Variants in NDUFAF1 observed in about 807,000 individuals in gnomAD.
NDUFAF1 encodes complex I intermediate-associated protein 30, mitochondrial.
NDUFAF1 carries 18 observed loss-of-function variants against 28.7 expected under a neutral mutation model. That is an observed-to-expected ratio of 0.63 (90% CI 0.43 to 0.93). The LOEUF (loss-of-function observed/expected upper bound fraction) is 0.93, where lower values mean the gene tolerates loss of function less well. NDUFAF1 is among the 40% of genes least tolerant of loss of function. The pLI, the probability that NDUFAF1 is intolerant of heterozygous loss-of-function variation, is 0.00. For missense variants in NDUFAF1, 404 were observed against 398.3 expected (o/e 1.01, Z -0.12); for synonymous variants, 113 against 139.7 (o/e 0.81, Z 1.35).
At chr15:41,390,309 G>A (rs980516803) in intron 3 of NDUFAF1, among the ~76,000 whole-genome samples, 6 of 152,094 alleles carry the variant, frequency 3.9e-5, no homozygotes, top group Non-Finnish European at 5.9e-5. Context: ...TAAAAATGAT[G>A]TAGAAATATA....
intron 1 of NDUFAF1, among the ~76,000 whole-genome samples, chr15:41,400,720 A>G (rs148446433): frequency 0.074 from 7,911 of 107,310 alleles, 692 homozygotes; most frequent in African/African-American, 0.22. Flanking sequence ...TGGATTTTTA[A>G]TAGAGACAGG....
chr15:41,391,125 T>C (rs564578401), intron 3 of NDUFAF1, among the ~76,000 whole-genome samples: 3 of 152,130 alleles, frequency 2.0e-5, no homozygotes, highest in African/African-American at 7.2e-5. Context: ...GTTTTTATAA[T>C]GAAGTAGTTA....
intron 3 of NDUFAF1, among the ~76,000 whole-genome samples, chr15:41,389,356 T>C (rs1302892994): frequency 6.6e-6 from 1 of 151,388 alleles, no homozygotes; most frequent in Non-Finnish European, 1.5e-5. Context: ...CCTACAGGTA[T>C]GAACCACCAC....
intron 4 of NDUFAF1, 119 bp downstream of exon 4, chr15:41,388,329 G>T: frequency 1.3e-6 from 1 of 799,886 alleles, no homozygotes. Flanking sequence ...GGGTATAAGA[G>T]CAGTGGCCCT....
intron 3 of NDUFAF1, chr15:41,394,306 T>A: frequency 7.9e-7 from 1 of 1,266,780 alleles, no homozygotes. Flanking sequence ...AGTGCTGGGA[T>A]TACAGGTGTG....
At chr15:41,393,722 G>A (rs1320485376) in intron 3 of NDUFAF1, among the ~76,000 whole-genome samples, 25 of 151,396 alleles carry the variant, frequency 1.7e-4, no homozygotes, top group African/African-American at 5.3e-4. Flanking sequence ...CTGGGACGAC[G>A]CCACCACACC....
chr15:41,389,624 T>G (rs2050293896), intron 3 of NDUFAF1, among the ~76,000 whole-genome samples: 1 of 151,708 alleles, frequency 6.6e-6, no homozygotes. Context: ...AACAAAAAAC[T>G]TATCCAGCCA....
At chr15:41,387,689 T>C in intron 4 of NDUFAF1, 96 bp from the exon 5 acceptor site, 2 of 1,000,780 alleles carry the variant, frequency 2.0e-6, no homozygotes, top group Non-Finnish European at 1.6e-6. Flanking sequence ...TGATTATAAC[T>C]GGGTTTTAAT....
In NDUFAF1 at chr15:41,397,079, G is replaced by GT. The variant is rs780989420; in HGVS notation, c.-21dup. The GT allele has an allele frequency of 1.9e-6, 3 of 1,611,122 alleles. No individual in the cohort carries two copies. The highest frequency in any genetic ancestry group is 2.2e-5 in the East Asian group (1 of 44,874). On this transcript the variant is annotated 5_prime_UTR_variant, in exon 2 of 5. Coordinates refer to ENST00000260361, the MANE Select transcript of NDUFAF1 (RefSeq NM_016013.4). ...AGCCATGGTACAAAAAAATCAAAAT[G>GT]TAAGTTTCTTCCTGGGCTAGCAAGG... is the stretch of plus-strand genomic sequence containing the variant.
At position 41,387,502 on chromosome 15, in the gene NDUFAF1, T is replaced by C. The variant is rs746082814; in HGVS notation, c.926A>G (p.His309Arg). 3.7e-6 allele frequency: 6 copies of C among 1,613,684 alleles called. No homozygotes were observed. The highest frequency in any genetic ancestry group is 1.7e-5 in the Admixed American group (1 of 60,004). ...DFIGVFTDPA[H>R]TEEFAYENSP... ...ATTTTCATAGGCAAATTCTTCTGTA[T>C]GAGCTGGATCAGTAAACACGCCAAT... is the stretch of plus-strand genomic sequence containing the variant. Residue 309 changes from histidine to arginine, a missense_variant, in exon 5 of 5, where the codon CAT (histidine) becomes CGT (arginine). Physicochemically the swap from His to Arg is conservative, Grantham distance 29 (BLOSUM62 0). Coordinates refer to ENST00000260361, the MANE Select transcript of NDUFAF1 (RefSeq NM_016013.4).
At chr15:41,400,833 A>T (rs2050452815) in intron 1 of NDUFAF1, among the ~76,000 whole-genome samples, 1 of 150,832 alleles carries the variant, frequency 6.6e-6, no homozygotes, top group Non-Finnish European at 1.5e-5. Context: ...CACCATGCCC[A>T]GCCTACTCCT....
upstream of NDUFAF1, among the ~76,000 whole-genome samples, chr15:41,402,728 C>CTTTT (rs557825524): frequency 5.0e-5 from 6 of 120,888 alleles, no homozygotes; most frequent in Admixed American, 1.9e-4. Flanking sequence ...ATCCCTGCGT[C>CTTTT]TTTTTTTTTT....
chr15:41,401,172 T>C (rs2050457400), intron 1 of NDUFAF1, among the ~76,000 whole-genome samples: 1 of 151,670 alleles, frequency 6.6e-6, no homozygotes, highest in African/African-American at 2.4e-5. Flanking sequence ...TCCACTATGT[T>C]GGCCAGAGTG....
intron 3 of NDUFAF1, among the ~76,000 whole-genome samples, chr15:41,391,861 G>A (rs1002996211): frequency 1.3e-5 from 2 of 152,000 alleles, no homozygotes; most frequent in Admixed American, 6.6e-5. Flanking sequence ...TGAAGACATG[G>A]GGGCAGAGCA....
chr15:41,398,621 T>C (rs2050422178), intron 1 of NDUFAF1, among the ~76,000 whole-genome samples: 1 of 152,202 alleles, frequency 6.6e-6, no homozygotes, highest in East Asian at 1.9e-4. Context: ...CCAAGGTAGC[T>C]GAGACTACAG....
intron 2 of NDUFAF1, among the ~76,000 whole-genome samples, chr15:41,395,671 T>C (rs1225867041): frequency 2.1e-4 from 2 of 9,752 alleles, no homozygotes; most frequent in African/African-American, 6.4e-4. Context: ...CGCCCGGCCT[T>C]TTTTTTTTTT....
intron 1 of NDUFAF1, among the ~76,000 whole-genome samples, chr15:41,398,707 C>T (rs2050423282): frequency 6.6e-6 from 1 of 152,116 alleles, no homozygotes; most frequent in Admixed American, 6.6e-5. Flanking sequence ...GTAATCCCAG[C>T]ACTTTGGGAG....
At chr15:41,402,092 C>A in intron 1 of NDUFAF1, 52 bp downstream of exon 1, 1 of 400,010 alleles carries the variant, frequency 2.5e-6, no homozygotes, top group Non-Finnish European at 5.2e-6. Context: ...TTTGACAACA[C>A]AATCCACGCA....
intron 3 of NDUFAF1, among the ~76,000 whole-genome samples, chr15:41,393,121 GTT>G (rs763641971): frequency 0.014 from 1,737 of 123,872 alleles, 29 homozygotes; most frequent in African/African-American, 0.054. Context: ...TTCTTGTTGA[GTT>G]TTTTTTTTTT....
Sources: gnomAD v4.1 joint callset for allele counts (sites outside exome capture counted in the v4.1 genomes callset) on GRCh38, gnomAD v4.1.1 for gene constraint, MANE v1.5 for transcripts, NCBI Gene and HGNC (gene_info 2026-07-23, HGNC 2026-07-21) for gene names.